Variants in C14orf180 observed in about 807,000 individuals in gnomAD.
C14orf180 encodes the protein chromosome 14 open reading frame 180.
Under a neutral mutation model 13.9 loss-of-function variants are expected in C14orf180, and 13 were observed. The observed-to-expected ratio is 0.94, with a 90% CI of 0.61 to 1.49. The LOEUF (loss-of-function observed/expected upper bound fraction) is 1.49. C14orf180 is among the 40% of genes most tolerant of loss of function. The pLI is 0.00. For synonymous variants in C14orf180, 113 were observed against 106.3 expected (o/e 1.06, Z -0.39); for missense variants, 238 against 232.0 (o/e 1.03, Z -0.17).
chr14:104,585,902 A>T (rs1886602656), intron 1 of C14orf180, among the ~76,000 whole-genome samples: 1 of 152,166 alleles, frequency 6.6e-6, no homozygotes, highest in South Asian at 2.1e-4. Flanking sequence ...CCCCACCAGC[A>T]CCAGCCCAAA....
At chr14:104,581,587 C>T (rs1378638548) in intron 1 of C14orf180, 1 of 152,304 alleles carries the variant, frequency 6.6e-6, no homozygotes, top group Non-Finnish European at 1.5e-5. Flanking sequence ...CTGATCAGGC[C>T]TGAGCCACCC....
chr14:104,590,202 C>G lies in C14orf180; in HGVS notation c.*1419C>G, dbSNP rs1391917921. 1 of 152,242 alleles carries G rather than the reference C, an allele frequency of 6.6e-6. No homozygotes were observed. The highest frequency in any genetic ancestry group is 1.5e-5 in the Non-Finnish European group (1 of 68,054). 9.4% of individuals were successfully genotyped at this position (152,242 alleles called of 1,614,324 possible). A position where few individuals can be genotyped will look rare whatever the true frequency, so the allele number is the denominator to read the frequency against. On this transcript the variant is annotated 3_prime_UTR_variant, in exon 5 of 5. Transcript: ENST00000557649. ...GGCCCAGAAGGGACCATGGTGGGGG[C>G]TCCCCCGGGGACCCTCCAGCATCTC...
At chr14:104,583,813 TACACTCAC>T (rs1456377323) in intron 1 of C14orf180, among the ~76,000 whole-genome samples, 1 of 151,716 alleles carries the variant, frequency 6.6e-6, no homozygotes, top group African/African-American at 2.4e-5. Flanking sequence ...CATACGCAGA[TACACTCAC>T]ACACACACAC....
intron 1 of C14orf180, among the ~76,000 whole-genome samples, chr14:104,580,289 AC>A (rs1008930862): frequency 3.9e-5 from 6 of 152,246 alleles, no homozygotes; most frequent in African/African-American, 1.4e-4. Context: ...TTCTCCTGGG[AC>A]TGATGGTTTC....
chr14:104,589,182 G>C lies in C14orf180; in HGVS notation c.*399G>C, dbSNP rs922960787. On this transcript the variant is annotated 3_prime_UTR_variant, in exon 5 of 5. Transcript: ENST00000557649. The surrounding 1 kb of genome is among the most constrained non-coding windows in gnomAD (Gnocchi z 4.9). ...TCTTGAGGAGGGGGACACACTGCCC[G>C]TGTTCAAGGGGCTGCTCGGAGGAGG... 2.7e-6 allele frequency: 1 copy of C among 367,278 alleles called. No individual in the cohort carries two copies. The highest frequency in any genetic ancestry group is 2.1e-5 in the African/African-American group (1 of 47,700). The allele number at this position is 367,278 out of a possible 1,614,324, so 22.8% of individuals were successfully genotyped here. A position where few individuals can be genotyped will look rare whatever the true frequency, so the allele number is the denominator to read the frequency against.
rs1886727772 is a variant in C14orf180, at chr14:104,588,654, GGGCCTATACTGC to G, written c.359_370del (p.Leu120_Gly123del). 6.5e-7 allele frequency: 1 copy of G among 1,532,100 alleles called. No homozygotes were observed. Among genetic ancestry groups the G allele is most frequent in the Non-Finnish European group, 8.7e-7 (1 of 1,144,242 alleles). 94.9% of individuals were successfully genotyped at this position (1,532,100 alleles called of 1,614,324 possible). ...TGTGCGTCCTGCTCGTGCTGGCCCTGGGCCTATACTGCGGCCGGGCCAAGCCCGTGGCAACGG... is the reference window on the plus strand; with the variant it reads ...TGTGCGTCCTGCTCGTGCTGGCCCTGGGCCGGGCCAAGCCCGTGGCAACGG... On this transcript the variant is annotated inframe_deletion, in exon 5 of 5. Transcript: ENST00000557649.
chr14:104,587,112 G>A (rs1886656345), intron 2 of C14orf180, among the ~76,000 whole-genome samples: 1 of 152,130 alleles, frequency 6.6e-6, no homozygotes, highest in Non-Finnish European at 1.5e-5. Flanking sequence ...CTCCCAGGGT[G>A]CCTCAGCCCC....
At chr14:104,584,731 C>T (rs567201715) in intron 1 of C14orf180, among the ~76,000 whole-genome samples, 5 of 152,326 alleles carry the variant, frequency 3.3e-5, no homozygotes, top group East Asian at 3.9e-4. Context: ...CCTGGATGGC[C>T]GGCTCCTGCC....
Position 104,589,177 on chromosome 14 carries a change from T to C in C14orf180, c.*394T>C. 1 of 374,478 alleles carries C rather than the reference T, an allele frequency of 2.7e-6. No homozygotes were observed. The highest frequency in any genetic ancestry group is 4.7e-6 in the Non-Finnish European group (1 of 211,404). 23.2% of individuals were successfully genotyped at this position (374,478 alleles called of 1,614,324 possible). On this transcript the variant is annotated 3_prime_UTR_variant, in exon 5 of 5. Coordinates refer to ENST00000557649, the MANE Select transcript of C14orf180 (RefSeq NM_001008404.3). The surrounding 1 kb of genome is among the most constrained non-coding windows in gnomAD (Gnocchi z 4.9). ...CACCCTCTTGAGGAGGGGGACACAC[T>C]GCCCGTGTTCAAGGGGCTGCTCGGA...
intron 1 of C14orf180, among the ~76,000 whole-genome samples, chr14:104,585,586 G>A (rs1015002112): frequency 1.1e-4 from 17 of 152,306 alleles, no homozygotes; most frequent in South Asian, 4.1e-4. Flanking sequence ...AGCAACCAGC[G>A]CAACAGAGGA....
intron 1 of C14orf180, among the ~76,000 whole-genome samples, chr14:104,585,514 G>A (rs565374735): frequency 3.7e-4 from 57 of 152,338 alleles, no homozygotes; most frequent in Middle Eastern, 3.4e-3. Flanking sequence ...AATGAGGAGA[G>A]CACAGCCTCT....
chr14:104,587,854 G>C lies in C14orf180; in HGVS notation c.217G>C (p.Glu73Gln). 6.2e-7 allele frequency: 1 copy of C among 1,610,142 alleles called. No individual in the cohort carries two copies. Among genetic ancestry groups the C allele is most frequent in the East Asian group, 2.2e-5 (1 of 44,752 alleles). ...GACCTCGAGGCGCGTGTGGTTCCGA[G>C]AACCCCCAGCGGTGACCGTCCACTG... ...QRTSRRVWFR[E>Q]PPAVTVHYIA... is the part of the protein sequence containing the mutation. Residue 73 changes from glutamate (E) to glutamine (Q), a missense_variant, in exon 3 of 5, where the codon GAA (glutamate) becomes CAA (glutamine). Physicochemically the swap from Glu to Gln is conservative, Grantham distance 29. Transcript: ENST00000557649.
In C14orf180 at chr14:104,588,732, GCACCTGCGGCACGTGGCCCT is replaced by G; in HGVS notation, c.440_459del (p.Arg147LeufsTer40). 1 of 1,535,762 alleles carries G rather than the reference GCACCTGCGGCACGTGGCCCT, an allele frequency of 6.5e-7. No individual in the cohort carries two copies. Among genetic ancestry groups the G allele is most frequent in the Non-Finnish European group, 8.7e-7 (1 of 1,146,438 alleles). ...GGGCCCGGCTCCTCGGCCTTGTCCT[GCACCTGCGGCACGTGGCCCT>G]CACCTGCTGGCGCGGCCTCCTGCGG... On this transcript the variant is annotated frameshift_variant, in exon 5 of 5. Coordinates refer to ENST00000557649, the MANE Select transcript of C14orf180 (RefSeq NM_001008404.3). LOFTEE classifies it high-confidence loss of function.
At chr14:104,587,917 G>GAGTC in intron 3 of C14orf180, 39 bp downstream of exon 3, 20 of 1,576,526 alleles carry the variant, frequency 1.3e-5, no homozygotes, top group Non-Finnish European at 1.6e-5. Context: ...GGAGAGGGTG[G>GAGTC]AGTCAAGCAG....
At chr14:104,587,957 A>C in intron 3 of C14orf180, 79 bp downstream of exon 3, 1 of 1,490,606 alleles carries the variant, frequency 6.7e-7, no homozygotes, top group Non-Finnish European at 9.0e-7. Context: ...CCACACCCAC[A>C]CAGCTCTGGC....
chr14:104,583,193 T>A (rs1167501326), intron 1 of C14orf180, among the ~76,000 whole-genome samples: 1 of 149,798 alleles, frequency 6.7e-6, no homozygotes, highest in Non-Finnish European at 1.5e-5. Context: ...GTGGCCCACG[T>A]GAAGGTGCAT....
At position 104,589,645 on chromosome 14, in the gene C14orf180, G is replaced by A. The variant is rs1886779984; in HGVS notation, c.*862G>A. ...GGGGCCTCTCCAGACCCTACGTGGGGGGAGGGCTGAACAAAGCAGGGAGGC... is the reference window on the plus strand; with the variant it reads ...GGGGCCTCTCCAGACCCTACGTGGGAGGAGGGCTGAACAAAGCAGGGAGGC... On this transcript the variant is annotated 3_prime_UTR_variant, in exon 5 of 5. Coordinates refer to ENST00000557649, the MANE Select transcript of C14orf180 (RefSeq NM_001008404.3). This position sits in a 1 kb window ranked among gnomAD's most constrained non-coding sequence, Gnocchi z 4.9. 6.6e-6 allele frequency: 1 copy of A among 152,640 alleles called. No individual in the cohort carries two copies. Among genetic ancestry groups the A allele is most frequent in the Non-Finnish European group, 1.5e-5 (1 of 68,080 alleles). 9.5% of individuals were successfully genotyped at this position (152,640 alleles called of 1,614,324 possible).
chr14:104,587,054 G>A (rs539272589), intron 2 of C14orf180, among the ~76,000 whole-genome samples: 1 of 152,324 alleles, frequency 6.6e-6, no homozygotes, highest in South Asian at 2.1e-4. Context: ...AGCAGGCTGT[G>A]TACAGCGAGC....
Position 104,587,861 on chromosome 14 carries a change from C to T in C14orf180, c.224C>T (p.Pro75Leu). The change falls in exon 3 of 5, where the codon CCA becomes CTA. Residue 75 changes from proline to leucine, a missense_variant. By Grantham distance (98) the Pro-to-Leu change is moderately conservative. Coordinates refer to ENST00000557649, the MANE Select transcript of C14orf180 (RefSeq NM_001008404.3). The part of the protein sequence containing the change: ...TSRRVWFREP[P>L]AVTVHYIADK... Reference sequence around the variant, plus strand: ...AGGCGCGTGTGGTTCCGAGAACCCCCAGCGGTGACCGTCCACTGTAAGAGG... The same window carrying T: ...AGGCGCGTGTGGTTCCGAGAACCCCTAGCGGTGACCGTCCACTGTAAGAGG... 6.2e-7 allele frequency: 1 copy of T among 1,608,520 alleles called. No homozygotes were observed. Among genetic ancestry groups the T allele is most frequent in the African/African-American group, 1.3e-5 (1 of 74,964 alleles).
Sources: gnomAD v4.1 joint callset for allele counts (sites outside exome capture counted in the v4.1 genomes callset) on GRCh38, gnomAD v4.1.1 for gene constraint, Gnocchi (gnomAD v3.1) non-coding constraint, MANE v1.5 for transcripts, NCBI Gene and HGNC (gene_info 2026-07-23, HGNC 2026-07-21) for gene names.